The following PCDHA12 variants were observed in gnomAD, a reference collection of about 807,000 sequenced individuals.
PCDHA12 encodes protocadherin alpha 12.
In PCDHA12, 44 loss-of-function variants were observed where a neutral mutation model predicts 60.0. The ratio of observed to expected loss-of-function variants is 0.73; its 90% CI spans 0.58 to 0.94. PCDHA12 has a LOEUF of 0.94. Among genes scored for constraint, PCDHA12 ranks in the 40% least tolerant of loss-of-function variants. PCDHA12 has a pLI of 0.00. For synonymous variants in PCDHA12, 569 were observed against 553.0 expected, an observed-to-expected ratio of 1.03 and a Z score of -0.40; for missense variants, 1,276 against 1,239.7, an observed-to-expected ratio of 1.03 and a Z score of -0.44.
At chr5:141,006,882 G>A (rs1442637421) in intron 3 of PCDHA12, among the ~76,000 whole-genome samples, 1 of 152,204 alleles carries the variant, frequency 6.6e-6, no homozygotes, top group Non-Finnish European at 1.5e-5. Flanking sequence ...GGAATCAAGA[G>A]TTTGATTTCA....
Position 140,876,915 on chromosome 5 carries a change from C to G in PCDHA12, c.1443C>G (p.Asp481Glu). The change falls in exon 1 of 4, where the codon GAC (aspartate) becomes GAG (glutamate). Residue 481 changes from aspartate to glutamate, a missense_variant. By Grantham distance (45) the Asp-to-Glu change is conservative. Coordinates refer to ENST00000398631, the MANE Select transcript of PCDHA12 (RefSeq NM_018903.4). ...ACATCTTCACGGTGTCGGCATGGGACGCGGACGCGCAGAAGAACGCGCTGG... is the reference window on the plus strand; with the variant it reads ...ACATCTTCACGGTGTCGGCATGGGAGGCGGACGCGCAGAAGAACGCGCTGG... ...GCHIFTVSAWDADAQKNALVS... is the reference protein window; with the variant it reads ...GCHIFTVSAWEADAQKNALVS... 6.2e-7 allele frequency: 1 copy of G among 1,613,966 alleles called. No individual in the cohort carries two copies. The highest frequency in any genetic ancestry group is 2.2e-5 in the East Asian group (1 of 44,878).
chr5:140,915,006 C>A (rs958050012), intron 1 of PCDHA12, among the ~76,000 whole-genome samples: 2 of 149,102 alleles, frequency 1.3e-5, no homozygotes, highest in African/African-American at 5.0e-5. Flanking sequence ...AGTGCAGTGG[C>A]CTGATCTTGG....
chr5:140,966,280 G>C (rs782249047), intron 1 of PCDHA12: 3 of 365,660 alleles, frequency 8.2e-6, no homozygotes, highest in African/African-American at 4.2e-5. Flanking sequence ...CTGGACAGTG[G>C]GGGTAGGGAG....
chr5:140,951,889 G>A (rs2094649080), intron 1 of PCDHA12, among the ~76,000 whole-genome samples: 1 of 152,142 alleles, frequency 6.6e-6, no homozygotes, highest in Non-Finnish European at 1.5e-5. Flanking sequence ...ACTCTCTTCT[G>A]CCTATGAGCC....
At chr5:141,009,584 AT>A in intron 3 of PCDHA12, 42 bp from the exon 4 acceptor site, 1 of 1,592,004 alleles carries the variant, frequency 6.3e-7, no homozygotes, top group Non-Finnish European at 8.6e-7. Flanking sequence ...CATCAAGAGC[AT>A]GTGTTGACCC....
chr5:140,943,574 G>C (rs1424164723), intron 1 of PCDHA12, among the ~76,000 whole-genome samples: 1 of 152,154 alleles, frequency 6.6e-6, no homozygotes, highest in African/African-American at 2.4e-5. Context: ...TTAATTTGTT[G>C]ATCTGAGTGG....
intron 1 of PCDHA12, among the ~76,000 whole-genome samples, chr5:140,893,817 C>G (rs951661016): frequency 6.6e-6 from 1 of 151,980 alleles, no homozygotes; most frequent in Admixed American, 6.6e-5. Flanking sequence ...AGTCTGGTAC[C>G]GTAGACTACT....
At chr5:140,945,147 T>C (rs1554216774) in intron 1 of PCDHA12, among the ~76,000 whole-genome samples, 1 of 152,154 alleles carries the variant, frequency 6.6e-6, no homozygotes, top group Non-Finnish European at 1.5e-5. Flanking sequence ...ATAGCATTTC[T>C]ATACACTATT....
intron 1 of PCDHA12, among the ~76,000 whole-genome samples, chr5:140,954,013 C>T (rs942687934): frequency 6.6e-6 from 1 of 152,172 alleles, no homozygotes; most frequent in African/African-American, 2.4e-5. Context: ...TCAGCTCCCA[C>T]ACATAGTGGG....
chr5:140,875,816 A>C lies in PCDHA12; in HGVS notation c.344A>C (p.Gln115Pro), dbSNP rs570265935. The change falls in exon 1 of 4, where the codon CAG becomes CCG. Residue 115 changes from glutamine to proline, a missense_variant. Coordinates refer to ENST00000398631, the MANE Select transcript of PCDHA12 (RefSeq NM_018903.4). ...GAGGTGATCGTGGACAGGCCGCTGC[A>C]GGTTTTCCATGTGGACGTGGAGGTG... is the stretch of plus-strand genomic sequence containing the variant. The part of the protein sequence containing the change: ...HLEVIVDRPL[Q>P]VFHVDVEVKD... 24 of 1,614,198 alleles carry C rather than the reference A, an allele frequency of 1.5e-5. No individual in the cohort carries two copies. The South Asian group carries it at 2.6e-4, about 18-fold the overall frequency.
intron 1 of PCDHA12, among the ~76,000 whole-genome samples, chr5:140,895,055 A>T (rs1313066261): frequency 2.0e-5 from 3 of 152,118 alleles, no homozygotes; most frequent in Non-Finnish European, 4.4e-5. Flanking sequence ...ATTCTGCTTC[A>T]TATGGACTCA....
intron 1 of PCDHA12, among the ~76,000 whole-genome samples, chr5:140,907,524 C>T (rs562373233): frequency 2.6e-5 from 4 of 152,314 alleles, no homozygotes; most frequent in Non-Finnish European, 4.4e-5. Flanking sequence ...GAGGACAAAT[C>T]GCTGCCCTTT....
At chr5:140,895,253 CT>C (rs1411327383) in intron 1 of PCDHA12, among the ~76,000 whole-genome samples, 2 of 151,968 alleles carry the variant, frequency 1.3e-5, no homozygotes, top group Non-Finnish European at 2.9e-5. Context: ...TCAAAGCTTT[CT>C]TTTTTTTCTT....
Position 140,974,189 on chromosome 5 carries a change from G to T in PCDHA12, c.2368-4760G>T, listed in dbSNP as rs146863475. On this transcript the variant is annotated intron_variant, in intron 1 of 3. Transcript: ENST00000398631. ...AGAATTTTAACTTGACAAATGCAAA[G>T]GAATATCCAACATTGCAAAGGTAAA... Among the ~76,000 whole-genome samples the T allele has an allele frequency of 7.6e-3, 1,163 of 152,258 alleles. 4 individuals carry two copies. The highest frequency in any genetic ancestry group is 0.014 in the Middle Eastern group (4 of 294).
chr5:140,939,034 A>T (rs1367274051), intron 1 of PCDHA12, among the ~76,000 whole-genome samples: 1 of 152,216 alleles, frequency 6.6e-6, no homozygotes, highest in Non-Finnish European at 1.5e-5. Context: ...TATTCGGAAG[A>T]GTTGTCTTAG....
chr5:140,904,039 A>T (rs947456842), intron 1 of PCDHA12, among the ~76,000 whole-genome samples: 5 of 152,138 alleles, frequency 3.3e-5, no homozygotes, highest in Non-Finnish European at 7.4e-5. Context: ...TAACTTTTTA[A>T]TTTTTTTATT....
At chr5:140,976,403 TA>T (rs1469780321) in intron 1 of PCDHA12, among the ~76,000 whole-genome samples, 1 of 151,936 alleles carries the variant, frequency 6.6e-6, no homozygotes, top group Non-Finnish European at 1.5e-5. Flanking sequence ...ATTCAAAAAT[TA>T]GCCAGGTACG....
Position 141,001,288 on chromosome 5 carries a change from C to T in PCDHA12, c.2516-8339C>T, listed in dbSNP as rs147786395. 2.9e-3 allele frequency among the ~76,000 whole-genome samples: 438 copies of T among 152,218 alleles called. 7 individuals are homozygous for T. The East Asian group carries it at 0.044, about 15-fold the overall frequency. ...TATGAACTTTTTTTACGGATGAAAACTGAGGCCCAGAGATATGAAATAATT... is the reference window on the plus strand; with the variant it reads ...TATGAACTTTTTTTACGGATGAAAATTGAGGCCCAGAGATATGAAATAATT... On this transcript the variant is annotated intron_variant, in intron 3 of 3. Transcript: ENST00000398631.
chr5:140,921,942 C>G (rs1025333030), intron 1 of PCDHA12, among the ~76,000 whole-genome samples: 3 of 151,730 alleles, frequency 2.0e-5, no homozygotes, highest in Non-Finnish European at 4.4e-5. Context: ...TAATTTTACA[C>G]TTGTAAAATC....
Sources: gnomAD v4.1 joint callset for allele counts (sites outside exome capture counted in the v4.1 genomes callset) on GRCh38, gnomAD v4.1.1 for gene constraint, MANE v1.5 for transcripts, NCBI Gene and HGNC (gene_info 2026-07-23, HGNC 2026-07-21) for gene names.